PHF24: variants seen among roughly 807,000 people sequenced by gnomAD.
PHF24 encodes the protein Galpha inhibitory interacting protein.
Under a neutral mutation model 42.6 loss-of-function variants are expected in PHF24, and 25 were observed. The ratio of observed to expected loss-of-function variants is 0.59; its 90% CI spans 0.43 to 0.82. The LOEUF (loss-of-function observed/expected upper bound fraction) is 0.82, where lower values mean the gene tolerates loss of function less well. Ranked by LOEUF, PHF24 falls within the 40% of genes least tolerant of loss-of-function variation. The pLI is 0.00. For synonymous variants in PHF24, 185 were observed against 204.8 expected (o/e 0.90, Z 0.83); for missense variants, 470 against 538.1 (o/e 0.87, Z 1.25).
chr9:34,851,334 A>G, the PHF24 span, among the ~76,000 whole-genome samples: 1 of 152,108 alleles, frequency 6.6e-6, no homozygotes, highest in African/African-American at 2.4e-5. Context: ...CCTCGCTGCC[A>G]CCTTGCAGTT....
At chr9:34,945,110 C>T in the PHF24 span, among the ~76,000 whole-genome samples, 27 of 152,262 alleles carry the variant, frequency 1.8e-4, no homozygotes, top group Admixed American at 5.9e-4. Context: ...CAAAGGCAAT[C>T]CTTTCAATCA....
At chr9:34,928,176 A>T in the PHF24 span, among the ~76,000 whole-genome samples, 1 of 139,270 alleles carries the variant, frequency 7.2e-6, no homozygotes, top group Admixed American at 7.8e-5. Context: ...AAATCACGCC[A>T]TTGCACTCCA....
the PHF24 span, chr9:34,892,810 C>A: frequency 1.5e-6 from 1 of 666,732 alleles, no homozygotes; most frequent in Admixed American, 2.1e-5. Context: ...AGTGATCAGC[C>A]CAGGAATCTT....
At chr9:34,892,793 C>A in the PHF24 span, 1 of 610,222 alleles carries the variant, frequency 1.6e-6, no homozygotes, top group South Asian at 2.1e-5. Flanking sequence ...TCTCTGTCCT[C>A]GCTGAAAGTG....
the PHF24 span, among the ~76,000 whole-genome samples, chr9:34,676,212 A>T: frequency 6.6e-6 from 1 of 152,210 alleles, no homozygotes; most frequent in East Asian, 1.9e-4. Context: ...AGTGGCGCAG[A>T]TACCAGAGAC....
intron 3 of PHF24, among the ~76,000 whole-genome samples, chr9:34,972,839 A>G (rs925173255): frequency 1.4e-5 from 2 of 145,584 alleles, no homozygotes; most frequent in African/African-American, 5.0e-5. Context: ...ACTTAAACCC[A>G]GGAGGCGGAG....
At chr9:34,924,171 A>G in the PHF24 span, among the ~76,000 whole-genome samples, 3 of 152,208 alleles carry the variant, frequency 2.0e-5, no homozygotes, top group Non-Finnish European at 4.4e-5. Flanking sequence ...GATACTTGAT[A>G]TTATTTCAGT....
the PHF24 span, among the ~76,000 whole-genome samples, chr9:34,882,736 A>T: frequency 6.6e-6 from 1 of 152,230 alleles, no homozygotes; most frequent in African/African-American, 2.4e-5. Context: ...ATGGAAGAAC[A>T]TTCCATGCTC....
chr9:34,939,695 T>C, the PHF24 span, among the ~76,000 whole-genome samples: 1 of 152,212 alleles, frequency 6.6e-6, no homozygotes, highest in Non-Finnish European at 1.5e-5. Flanking sequence ...CCAATTGTAT[T>C]CCCTACAGTA....
chr9:34,789,291 A>C, the PHF24 span, among the ~76,000 whole-genome samples: 2 of 152,290 alleles, frequency 1.3e-5, no homozygotes, highest in East Asian at 3.9e-4. Flanking sequence ...CCTCATCTTT[A>C]AGAGTGTACT....
the PHF24 span, among the ~76,000 whole-genome samples, chr9:34,949,724 T>C: frequency 6.6e-6 from 1 of 151,998 alleles, no homozygotes; most frequent in Non-Finnish European, 1.5e-5. Flanking sequence ...CTGGAAACCA[T>C]CATCCTCAGC....
the PHF24 span, among the ~76,000 whole-genome samples, chr9:34,862,588 C>A: frequency 6.6e-6 from 1 of 152,036 alleles, no homozygotes; most frequent in Non-Finnish European, 1.5e-5. Context: ...CTAGTCCTGG[C>A]AGGACCCATA....
Position 34,972,336 on chromosome 9 carries a change from C to A in PHF24, c.379-10C>A. ...ACACATCCCTGTTTCCTCCTGCCAT[C>A]TTTCTGCAGGTTGTCAACGATGAGA... On this transcript the variant is annotated splice_polypyrimidine_tract_variant and intron_variant, in intron 2 of 7. Transcript: ENST00000242315. 1 of 1,594,430 alleles carries A rather than the reference C, an allele frequency of 6.3e-7. No homozygotes were observed. Among genetic ancestry groups the A allele is most frequent in the Non-Finnish European group, 8.6e-7 (1 of 1,167,428 alleles).
the PHF24 span, among the ~76,000 whole-genome samples, chr9:34,747,745 C>T: frequency 6.6e-6 from 1 of 152,178 alleles, no homozygotes; most frequent in Non-Finnish European, 1.5e-5. Context: ...TTGGCAGGAT[C>T]TGGTAAAGCT....
chr9:34,826,446 G>A, the PHF24 span, among the ~76,000 whole-genome samples: 1 of 152,240 alleles, frequency 6.6e-6, no homozygotes, highest in Non-Finnish European at 1.5e-5. Flanking sequence ...TGGTTAAGCA[G>A]CAGAGGCCCA....
Position 34,977,644 on chromosome 9 carries a change from G to T in PHF24, c.1106+3G>T. Reference sequence around the variant, plus strand: ...CTGCCCACAGAGCAGGAGTCCAGGTGAGTAGGACCTCCTCACCTGGCCATT... The same window carrying T: ...CTGCCCACAGAGCAGGAGTCCAGGTTAGTAGGACCTCCTCACCTGGCCATT... On this transcript the variant is annotated splice_donor_region_variant and intron_variant, in intron 7 of 7. Transcript: ENST00000242315. 6.3e-7 allele frequency: 1 copy of T among 1,587,460 alleles called. No individual in the cohort carries two copies. Among genetic ancestry groups the T allele is most frequent in the South Asian group, 1.1e-5 (1 of 87,564 alleles).
At chr9:34,838,300 A>G in the PHF24 span, 2 of 719,498 alleles carry the variant, frequency 2.8e-6, no homozygotes, top group Admixed American at 2.0e-5. Context: ...GCTTAAAAGC[A>G]TATTATCTGA....
the PHF24 span, chr9:34,835,840 T>C: frequency 7.4e-7 from 1 of 1,353,826 alleles, no homozygotes; most frequent in Non-Finnish European, 1.0e-6. Flanking sequence ...GGAATGGAGC[T>C]CTATACTCTG....
the PHF24 span, among the ~76,000 whole-genome samples, chr9:34,676,958 C>A: frequency 6.6e-6 from 1 of 152,246 alleles, no homozygotes; most frequent in African/African-American, 2.4e-5. Context: ...CACCTCCCGC[C>A]AGGCCCTATT....
Sources: allele counts gnomAD v4.1 joint callset (sites outside exome capture counted in the v4.1 genomes callset), GRCh38; gene constraint gnomAD v4.1.1; transcripts MANE v1.5; gene names NCBI Gene and HGNC (gene_info 2026-07-23, HGNC 2026-07-21).